PAWR: variants seen among roughly 807,000 people sequenced by gnomAD.
PAWR encodes the protein PRKC apoptosis WT1 regulator protein.
In PAWR, 23 loss-of-function variants were observed where a neutral mutation model predicts 32.0. That is an observed-to-expected ratio of 0.72 (90% CI 0.52 to 1.02). PAWR has a LOEUF of 1.02. Among genes scored for constraint, PAWR ranks in the 50% least tolerant of loss-of-function variants. PAWR has a pLI of 0.00. For synonymous variants in PAWR, 226 were observed against 187.1 expected, an observed-to-expected ratio of 1.21 and a Z score of -1.70; for missense variants, 457 against 437.7, an observed-to-expected ratio of 1.04 and a Z score of -0.39.
chr12:79,605,570 T>C (rs918733104), intron 4 of PAWR, among the ~76,000 whole-genome samples: 1 of 151,954 alleles, frequency 6.6e-6, no homozygotes, highest in Admixed American at 6.6e-5. Flanking sequence ...AAAATTTCTG[T>C]GTAGTAAGAA....
intron 2 of PAWR, among the ~76,000 whole-genome samples, chr12:79,626,265 C>CT (rs1393075455): frequency 0.012 from 1,705 of 138,060 alleles, 30 homozygotes; most frequent in African/African-American, 0.041. Context: ...AATGAAATGA[C>CT]TTTTTTTTTT....
intron 2 of PAWR, among the ~76,000 whole-genome samples, chr12:79,685,961 C>A (rs186233436): frequency 1.8e-3 from 270 of 152,218 alleles, no homozygotes; most frequent in African/African-American, 5.8e-3. Flanking sequence ...ATCATTTAAG[C>A]TCTAAGTCTT....
At chr12:79,671,478 A>G (rs1565700337) in intron 2 of PAWR, among the ~76,000 whole-genome samples, 1 of 152,166 alleles carries the variant, frequency 6.6e-6, no homozygotes, top group Non-Finnish European at 1.5e-5. Flanking sequence ...TATTCATCAA[A>G]CTGAGGCCAT....
chr12:79,655,804 CAT>C (rs1196656660), intron 2 of PAWR, among the ~76,000 whole-genome samples: 1 of 152,184 alleles, frequency 6.6e-6, no homozygotes, highest in South Asian at 2.1e-4. Context: ...AGAATATTAA[CAT>C]ATGTGTTATA....
chr12:79,676,976 A>G (rs1878200777), intron 2 of PAWR, among the ~76,000 whole-genome samples: 1 of 152,186 alleles, frequency 6.6e-6, no homozygotes, highest in African/African-American at 2.4e-5. Flanking sequence ...ACATTTTATT[A>G]TACTCATTTT....
At position 79,621,076 on chromosome 12, in the gene PAWR, C is replaced by G. The variant is rs1156539139; in HGVS notation, c.648G>C (p.Gln216His). The G allele has an allele frequency of 4.4e-6, 7 of 1,593,818 alleles. No homozygotes were observed. The highest frequency in any genetic ancestry group is 6.0e-6 in the Non-Finnish European group (7 of 1,172,590). Residue 216 changes from glutamine to histidine, a missense_variant and splice_region_variant, in exon 3 of 7, where the codon CAG becomes CAC. By Grantham distance (24) the Gln-to-His change is conservative. Transcript: ENST00000328827. ...CTTCCTGGTATTTTTAAATACTCAC[C>G]TGTAGCAGATAGGAACTGCCTGGAT... ...LLDPGSSYLL[Q>H]EPPRTVSGRY...
intron 3 of PAWR, among the ~76,000 whole-genome samples, chr12:79,615,714 T>C (rs1437494549): frequency 6.6e-6 from 1 of 152,234 alleles, no homozygotes; most frequent in Non-Finnish European, 1.5e-5. Flanking sequence ...AGCTTATGTA[T>C]ACTCACTCAA....
At chr12:79,645,160 C>A (rs1276527171) in intron 2 of PAWR, among the ~76,000 whole-genome samples, 1 of 151,622 alleles carries the variant, frequency 6.6e-6, no homozygotes, top group Non-Finnish European at 1.5e-5. Flanking sequence ...TGCACACATC[C>A]CATTAGAAAT....
rs563466785 is a variant in PAWR at position 79,594,296 on chromosome 12, C to T, written c.936+33G>A. 4.5e-5 allele frequency: 38 copies of T among 852,192 alleles called. No homozygotes were observed. In the Admixed American group the frequency reaches 7.2e-4, roughly 16 times the overall value. The allele number at this position is 852,192 out of a possible 1,614,324, so 52.8% of individuals were successfully genotyped here. A position where few individuals can be genotyped will look rare whatever the true frequency, so the allele number is the denominator to read the frequency against. On this transcript the variant is annotated intron_variant, in intron 6 of 6. Coordinates refer to ENST00000328827, the MANE Select transcript of PAWR (RefSeq NM_002583.4). ...TTTTCATCCAATTGCCAAAAAAAACCCCTCCAAACCTGAAATATGGTGAAA... is the reference window on the plus strand; with the variant it reads ...TTTTCATCCAATTGCCAAAAAAAACTCCTCCAAACCTGAAATATGGTGAAA...
At chr12:79,636,338 C>A (rs76809897) in intron 2 of PAWR, among the ~76,000 whole-genome samples, 2 of 151,906 alleles carry the variant, frequency 1.3e-5, no homozygotes, top group African/African-American at 2.4e-5. Flanking sequence ...TGTATTAACA[C>A]GTTTAAATGT....
At chr12:79,629,695 T>C (rs1294743123) in intron 2 of PAWR, among the ~76,000 whole-genome samples, 1 of 152,160 alleles carries the variant, frequency 6.6e-6, no homozygotes, top group Non-Finnish European at 1.5e-5. Context: ...GTTTTGTTTT[T>C]CGAAAACTCA....
intron 2 of PAWR, among the ~76,000 whole-genome samples, chr12:79,680,528 T>G (rs1020601652): frequency 6.6e-6 from 1 of 152,216 alleles, no homozygotes; most frequent in Non-Finnish European, 1.5e-5. Flanking sequence ...TAAATGCCAT[T>G]GACAAAGTTT....
chr12:79,618,977 A>G (rs1315605269), intron 3 of PAWR, among the ~76,000 whole-genome samples: 1 of 151,962 alleles, frequency 6.6e-6, no homozygotes, highest in Admixed American at 6.6e-5. Context: ...AGTTTCAGTT[A>G]CCCATGGTCA....
chr12:79,690,775 A>T (rs966320384), intron 1 of PAWR, 97 bp downstream of exon 1: 1 of 152,284 alleles, frequency 6.6e-6, no homozygotes, highest in African/African-American at 2.4e-5. Context: ...CCCACTCCCA[A>T]GGCGAGGCGC....
At chr12:79,670,035 A>C (rs1489259101) in intron 2 of PAWR, among the ~76,000 whole-genome samples, 1 of 152,206 alleles carries the variant, frequency 6.6e-6, no homozygotes, top group African/African-American at 2.4e-5. Context: ...TTTCTAAGAA[A>C]AATGTAAATA....
chr12:79,677,191 A>AT (rs1878212046), intron 2 of PAWR, among the ~76,000 whole-genome samples: 1 of 152,212 alleles, frequency 6.6e-6, no homozygotes, highest in Non-Finnish European at 1.5e-5. Flanking sequence ...GAACATCCAA[A>AT]TTAGAGAATA....
chr12:79,627,006 T>C lies in PAWR; in HGVS notation c.517-5799A>G, dbSNP rs1404858977. ...GTCTATCGTTGTTGGATATTTAGGT[T>C]GGTTCCAAGTCTTTGCTATTGTGAA... On this transcript the variant is annotated intron_variant, in intron 2 of 6. Transcript: ENST00000328827. Among the ~76,000 whole-genome samples, 5 of 152,320 alleles carry C rather than the reference T, an allele frequency of 3.3e-5. No homozygotes were observed. In the East Asian group the frequency reaches 9.6e-4, roughly 29 times the overall value.
intron 4 of PAWR, among the ~76,000 whole-genome samples, chr12:79,603,206 T>C: frequency 6.6e-6 from 1 of 152,150 alleles, no homozygotes; most frequent in Admixed American, 6.5e-5. Flanking sequence ...AGTGAGCGAT[T>C]ACGCCACTGC....
intron 4 of PAWR, chr12:79,604,255 T>C (rs1874078508): frequency 2.0e-6 from 2 of 985,934 alleles, no homozygotes; most frequent in South Asian, 4.6e-5. Flanking sequence ...CCTCCACTCT[T>C]AGCTACAAAG....
Sources: allele counts gnomAD v4.1 joint callset (sites outside exome capture counted in the v4.1 genomes callset), GRCh38; gene constraint gnomAD v4.1.1; transcripts MANE v1.5; gene names NCBI Gene and HGNC (gene_info 2026-07-23, HGNC 2026-07-21).